The following MMP21 variants were observed in gnomAD, a reference collection of about 807,000 sequenced individuals.
MMP21 encodes matrix metalloproteinase-21.
MMP21 carries 40 observed loss-of-function variants against 47.8 expected under a neutral mutation model. The ratio of observed to expected loss-of-function variants is 0.84; its 90% CI spans 0.65 to 1.09. The LOEUF (loss-of-function observed/expected upper bound fraction) is 1.09, where lower values mean the gene tolerates loss of function less well. Among genes scored for constraint, MMP21 ranks in the 50% least tolerant of loss-of-function variants. The pLI is 0.00. For missense variants in MMP21, 747 were observed against 775.3 expected (o/e 0.96, Z 0.43); for synonymous variants, 341 against 318.0 (o/e 1.07, Z -0.77).
In MMP21 at chr10:125,773,776, G is replaced by A. The variant is rs1850479396; in HGVS notation, c.697+55C>T. ...AGGTGGCCGAGGTGGGGGTAGGTGC[G>A]CCGGGGTCCCCGAGGGGCTGGGTCG... On this transcript the variant is annotated intron_variant, in intron 2 of 6. Coordinates refer to ENST00000368808, the MANE Select transcript of MMP21 (RefSeq NM_147191.1). This position sits in a 1 kb window ranked among gnomAD's most constrained non-coding sequence, Gnocchi z 4.8. 1 of 1,450,260 alleles carries A rather than the reference G, an allele frequency of 6.9e-7. No homozygotes were observed. Among genetic ancestry groups the A allele is most frequent in the Non-Finnish European group, 9.0e-7 (1 of 1,106,242 alleles). The allele number at this position is 1,450,260 out of a possible 1,614,324, so 89.8% of individuals were successfully genotyped here.
In MMP21 at chr10:125,770,619, C is replaced by G. The variant is rs762577062; in HGVS notation, c.980-28G>C. Reference sequence around the variant, plus strand: ...TAAAAAAACAAACAAAAAACAGCCACTTGTCACATACATGGTGCAAAACTT... The same window carrying G: ...TAAAAAAACAAACAAAAAACAGCCAGTTGTCACATACATGGTGCAAAACTT... On this transcript the variant is annotated intron_variant, in intron 4 of 6. Coordinates refer to ENST00000368808, the MANE Select transcript of MMP21 (RefSeq NM_147191.1). The G allele has an allele frequency of 4.3e-6, 7 of 1,610,412 alleles. No individual in the cohort carries two copies. The African/African-American group carries it at 9.4e-5, about 22-fold the overall frequency.
At chr10:125,767,437 G>T in intron 6 of MMP21, 95 bp downstream of exon 6, 1 of 1,246,538 alleles carries the variant, frequency 8.0e-7, no homozygotes, top group Non-Finnish European at 1.1e-6. Flanking sequence ...CACTGTGGCA[G>T]GCCAAGTACA....
In MMP21 at chr10:125,775,698, G is replaced by T; in HGVS notation, c.124C>A (p.Arg42Ser). ...DRSDLEPSPLRQAKPIADLHA... is the reference protein window; with the variant it reads ...DRSDLEPSPLSQAKPIADLHA... ...AGGTCGGCAATGGGCTTGGCCTGGC[G>T]CAGTGGGGACGGCTCCAGGTCCGAG... Residue 42 changes from arginine to serine, a missense_variant, in exon 1 of 7, where the codon CGC (arginine) becomes AGC (serine). Transcript: ENST00000368808. The T allele has an allele frequency of 6.2e-7, 1 of 1,613,160 alleles. No homozygotes were observed.
intron 1 of MMP21, among the ~76,000 whole-genome samples, chr10:125,775,030 G>T (rs772007755): frequency 6.6e-6 from 1 of 152,212 alleles, no homozygotes; most frequent in Non-Finnish European, 1.5e-5. Flanking sequence ...GGCCTCTGGG[G>T]CACTGTGGGA....
chr10:125,775,658 AC>A lies in MMP21; in HGVS notation c.162+1del. ...ATTGCTGTTCTTCCAGCTTCCTCCT[AC>A]CTGAGCAGCGTGGAGGTCGGCAATG... On this transcript the variant is annotated splice_donor_variant, in intron 1 of 6. Transcript: ENST00000368808. LOFTEE classifies it high-confidence loss of function. 2 of 1,602,808 alleles carry A rather than the reference AC, an allele frequency of 1.2e-6. No individual in the cohort carries two copies. Among genetic ancestry groups the A allele is most frequent in the Middle Eastern group, 1.7e-4 (1 of 6,004 alleles).
Position 125,772,892 on chromosome 10 carries a change from C to T in MMP21, c.698-142G>A, listed in dbSNP as rs995583512. On this transcript the variant is annotated intron_variant, in intron 2 of 6. Transcript: ENST00000368808. This position sits in a 1 kb window ranked among gnomAD's most constrained non-coding sequence, Gnocchi z 5.6. ...GCTCCTGGATTAAGTCCTCAATGTG[C>T]GGAGGGTGGGAGACGGTTTGTTTGT... The T allele has an allele frequency of 4.9e-5, 43 of 873,846 alleles. No individual in the cohort carries two copies. The highest frequency in any genetic ancestry group is 1.5e-4 in the Admixed American group (6 of 40,888). 54.1% of individuals were successfully genotyped at this position (873,846 alleles called of 1,614,324 possible). A position where few individuals can be genotyped will look rare whatever the true frequency, so the allele number is the denominator to read the frequency against.
At position 125,770,499 on chromosome 10, in the gene MMP21, A is replaced by T; in HGVS notation, c.1072T>A (p.Phe358Ile). ...GEVMVRFSTY[F>I]FRNSWYWLYE... ...AGCCAGTACCAGCTGTTACGGAAGA[A>T]ATATGTGCTAAATCTCACCATCACC... The change falls in exon 5 of 7, where the codon TTC becomes ATC. Residue 358 changes from phenylalanine to isoleucine, a missense_variant. Transcript: ENST00000368808. The T allele has an allele frequency of 6.2e-7, 1 of 1,614,174 alleles. No homozygotes were observed. The highest frequency in any genetic ancestry group is 1.7e-5 in the Admixed American group (1 of 60,014).
chr10:125,767,874 C>A (rs944270715), intron 5 of MMP21, among the ~76,000 whole-genome samples, 170 bp from the exon 6 acceptor site: 1 of 152,142 alleles, frequency 6.6e-6, no homozygotes, highest in Non-Finnish European at 1.5e-5. Context: ...GCCATTTCCC[C>A]GCGTCTTGAA....
At position 125,773,873 on chromosome 10, in the gene MMP21, C is replaced by T; in HGVS notation, c.655G>A (p.Ala219Thr). ...TTGATGTCGACCGCGGCCCCGGGGG[C>T]GGCCAGGTCCTCGCGGAAGTCCAGC... is the stretch of plus-strand genomic sequence containing the variant. ...TPLDFREDLA[A>T]PGAAVDIKLG... Residue 219 changes from alanine (A) to threonine (T), a missense_variant, in exon 2 of 7, where the codon GCC (alanine) becomes ACC (threonine). Transcript: ENST00000368808. The surrounding 1 kb of genome is among the most constrained non-coding windows in gnomAD (Gnocchi z 4.8). 3.8e-6 allele frequency: 6 copies of T among 1,570,782 alleles called. No individual in the cohort carries two copies. The highest frequency in any genetic ancestry group is 1.7e-5 in the Admixed American group (1 of 57,290).
rs1564761599 is a variant in MMP21 at position 125,766,652 on chromosome 10, C to T, written c.*10G>A. 2 of 1,574,578 alleles carry T rather than the reference C, an allele frequency of 1.3e-6. No individual in the cohort carries two copies. The highest frequency in any genetic ancestry group is 1.4e-5 in the African/African-American group (1 of 73,222). On this transcript the variant is annotated 3_prime_UTR_variant, in exon 7 of 7. Transcript: ENST00000368808. ...AAGTCCTATGACCCTCCATTTCCTA[C>T]TTTTTCTTATTACATGTTCAGTGTG...
At position 125,767,609 on chromosome 10, in the gene MMP21, G is replaced by C. The variant is rs1466901281; in HGVS notation, c.1333C>G (p.Pro445Ala). 2.5e-6 allele frequency: 4 copies of C among 1,614,064 alleles called. No individual in the cohort carries two copies. In the Admixed American group the frequency reaches 5.0e-5, roughly 20 times the overall value. ...SYPKLISEGF[P>A]GIPSPLDTAF... ...GTGTCTAGGGGACTTGGGATGCCAG[G>C]AAATCCTTCTGAAATCAATTTGGGA... Residue 445 changes from proline (P) to alanine (A), a missense_variant, in exon 6 of 7, where the codon CCT becomes GCT. Coordinates refer to ENST00000368808, the MANE Select transcript of MMP21 (RefSeq NM_147191.1).
In MMP21 at chr10:125,774,018, G is replaced by T. The variant is rs989475335; in HGVS notation, c.510C>A (p.Ala170=). The T allele has an allele frequency of 6.6e-7, 1 of 1,525,940 alleles. No homozygotes were observed. 94.5% of individuals were successfully genotyped at this position (1,525,940 alleles called of 1,614,324 possible). A position where few individuals can be genotyped will look rare whatever the true frequency, so the allele number is the denominator to read the frequency against. Residue 170 remains alanine (A), a synonymous_variant, in exon 2 of 7, where the codon GCC becomes GCA. Transcript: ENST00000368808. ...GCCAGCTCAGCGTCCTCTTGGAGAA[G>T]GCCTGGGCAGCTCCGCCGTCGGGGT... The part of the protein sequence containing the change: ...RGYPDGGAAQ[A]FSKRTLSWRL...
intron 5 of MMP21, among the ~76,000 whole-genome samples, chr10:125,770,031 G>C (rs1370583871): frequency 1.3e-5 from 2 of 152,134 alleles, no homozygotes; most frequent in Non-Finnish European, 2.9e-5. Flanking sequence ...GTGCGTGCCT[G>C]TGGTCCCAGC....
chr10:125,774,322 C>T lies in MMP21; in HGVS notation c.206G>A (p.Trp69Ter). The change falls in exon 2 of 7, where the codon TGG becomes TAG. Residue 69 changes from tryptophan to a stop codon, truncating the protein, a stop_gained. Transcript: ENST00000368808. LOFTEE classifies it high-confidence loss of function. Reference protein sequence around the residue: ...RYGWSGVWAAWGPSPEGPPET... With the variant: ...RYGWSGVWAA ...CGGCGGCCCCTCGGGACTGGGCCCC[C>T]AGGCCGCCCACACCCCTGACCAGCC... The T allele has an allele frequency of 1.4e-6, 2 of 1,412,668 alleles. No homozygotes were observed. The highest frequency in any genetic ancestry group is 1.8e-6 in the Non-Finnish European group (2 of 1,091,518). The allele number at this position is 1,412,668 out of a possible 1,614,324, so 87.5% of individuals were successfully genotyped here.
In MMP21 at chr10:125,775,667, G is replaced by T; in HGVS notation, c.155C>A (p.Ala52Asp). The change falls in exon 1 of 7, where the codon GCT becomes GAT. Residue 52 changes from alanine (A) to aspartate (D), a missense_variant. Physicochemically the swap from Ala to Asp is moderately radical, Grantham distance 126 (BLOSUM62 -2). Coordinates refer to ENST00000368808, the MANE Select transcript of MMP21 (RefSeq NM_147191.1). The stretch of plus-strand genomic sequence containing the variant: ...CTTCCAGCTTCCTCCTACCTGAGCA[G>T]CGTGGAGGTCGGCAATGGGCTTGGC... ...RQAKPIADLHAAQRFLSRYGW... is the reference protein window; with the variant it reads ...RQAKPIADLHDAQRFLSRYGW... 1 of 1,607,696 alleles carries T rather than the reference G, an allele frequency of 6.2e-7. No individual in the cohort carries two copies. Among genetic ancestry groups the T allele is most frequent in the Non-Finnish European group, 8.5e-7 (1 of 1,176,436 alleles).
At chr10:125,771,402 G>A (rs1850444228) in intron 4 of MMP21, among the ~76,000 whole-genome samples, 2 of 150,178 alleles carry the variant, frequency 1.3e-5, no homozygotes, top group Admixed American at 1.3e-4. Flanking sequence ...CTCTGTTAGG[G>A]ACTATTTTTT....
At chr10:125,770,013 G>A (rs750898563) in intron 5 of MMP21, among the ~76,000 whole-genome samples, 49 of 152,156 alleles carry the variant, frequency 3.2e-4, no homozygotes, top group Non-Finnish European at 6.5e-4. Flanking sequence ...ATTAAGCCAG[G>A]TGTAGTGGTG....
chr10:125,770,078 C>T (rs375830605), intron 5 of MMP21, among the ~76,000 whole-genome samples: 4 of 152,190 alleles, frequency 2.6e-5, no homozygotes, highest in African/African-American at 9.6e-5. Context: ...CACTTGAGCC[C>T]GGGAGGTCAA....
chr10:125,773,239 G>A lies in MMP21; in HGVS notation c.698-489C>T, dbSNP rs1375779967. On this transcript the variant is annotated intron_variant, in intron 2 of 6. Transcript: ENST00000368808. The surrounding 1 kb of genome is among the most constrained non-coding windows in gnomAD (Gnocchi z 4.8). ...CTGCAAAGCGGCTTGTCTGCTTGCT[G>A]CTTGTCTCTGACCACTTCCATGCCC... is the stretch of plus-strand genomic sequence containing the variant. Among the ~76,000 whole-genome samples the A allele has an allele frequency of 1.3e-5, 2 of 152,072 alleles. No individual in the cohort carries two copies. The highest frequency in any genetic ancestry group is 2.9e-5 in the Non-Finnish European group (2 of 68,002).
Sources: gnomAD v4.1 joint callset for allele counts (sites outside exome capture counted in the v4.1 genomes callset) on GRCh38, gnomAD v4.1.1 for gene constraint, Gnocchi (gnomAD v3.1) non-coding constraint, MANE v1.5 for transcripts, NCBI Gene and HGNC (gene_info 2026-07-23, HGNC 2026-07-21) for gene names.